The following ANO2 variants were observed in gnomAD, a reference collection of about 807,000 sequenced individuals.
The protein encoded by ANO2 is anoctamin 2.
In ANO2, 101 loss-of-function variants were observed where a neutral mutation model predicts 124.2. That is an observed-to-expected ratio of 0.81 (90% CI 0.69 to 0.96). ANO2 has a LOEUF of 0.96. ANO2 is among the 40% of genes least tolerant of loss of function. The probability of loss-of-function intolerance (pLI) is 0.00; values close to 1 mark genes in which losing one functional copy is unlikely to be tolerated. For missense variants in ANO2, 1,293 were observed against 1,274.5 expected, an observed-to-expected ratio of 1.01 and a Z score of -0.22; for synonymous variants, 486 against 482.5, an observed-to-expected ratio of 1.01 and a Z score of -0.09.
intron 22 of ANO2, among the ~76,000 whole-genome samples, chr12:5,576,654 A>G (rs533592939): frequency 2.6e-5 from 4 of 152,380 alleles, no homozygotes; most frequent in South Asian, 2.1e-4. Context: ...TAAGTGCTCT[A>G]TAAATGTCCA....
chr12:5,610,594 AATATATTTATATTTATAT>A (rs1188043265), intron 19 of ANO2, among the ~76,000 whole-genome samples: 117 of 142,622 alleles, frequency 8.2e-4, no homozygotes, highest in Admixed American at 1.4e-4. Flanking sequence ...TATATTTATA[AATATATTTATATTTATAT>A]ATGTATATAT....
In ANO2 at chr12:5,923,267, C is replaced by T. The variant is rs113802161; in HGVS notation, c.23-463G>A. Among the ~76,000 whole-genome samples, 124 of 113,118 alleles carry T rather than the reference C, an allele frequency of 1.1e-3. 26 individuals are homozygous for T. Among genetic ancestry groups the T allele is most frequent in the African/African-American group, 9.2e-3 (112 of 12,184 alleles). 74.2% of individuals were successfully genotyped at this position (113,118 alleles called of 152,430 possible). A position where few individuals can be genotyped will look rare whatever the true frequency, so the allele number is the denominator to read the frequency against. On this transcript the variant is annotated intron_variant, in intron 1 of 24. Coordinates refer to ENST00000682330, the MANE Select transcript of ANO2 (RefSeq NM_001364791.2). ...ACGCATACACACACATACACACACA[C>T]ACACACACACACGCACACACACAGC... is the stretch of plus-strand genomic sequence containing the variant.
intron 16 of ANO2, among the ~76,000 whole-genome samples, chr12:5,633,017 A>G (rs1051099932): frequency 6.6e-6 from 1 of 152,228 alleles, no homozygotes; most frequent in Admixed American, 6.5e-5. Flanking sequence ...GTGCTAGATC[A>G]GGACCACATG....
intron 3 of ANO2, among the ~76,000 whole-genome samples, chr12:5,903,856 G>A (rs1471563046): frequency 1.3e-5 from 2 of 152,180 alleles, no homozygotes; most frequent in Non-Finnish European, 2.9e-5. Flanking sequence ...TTTAGGCTAA[G>A]ATTAATGACT....
intron 10 of ANO2, among the ~76,000 whole-genome samples, chr12:5,784,237 C>G (rs1952480549): frequency 6.6e-6 from 1 of 152,148 alleles, no homozygotes; most frequent in Non-Finnish European, 1.5e-5. Context: ...AGCCACTGAA[C>G]CTTCCAGGAG....
chr12:5,618,483 G>A (rs1172990878), intron 16 of ANO2, among the ~76,000 whole-genome samples: 1 of 152,190 alleles, frequency 6.6e-6, no homozygotes, highest in East Asian at 1.9e-4. Flanking sequence ...TTCTGTGGAT[G>A]AAGGGAATTG....
chr12:5,761,579 GATTT>G (rs779041393), intron 10 of ANO2, among the ~76,000 whole-genome samples: 1 of 152,172 alleles, frequency 6.6e-6, no homozygotes, highest in Non-Finnish European at 1.5e-5. Context: ...AAAGCTATAA[GATTT>G]ATTTGTGTCT....
intron 13 of ANO2, 191 bp from the exon 14 acceptor site, chr12:5,732,821 G>A: frequency 6.2e-7 from 1 of 1,612,766 alleles, no homozygotes; most frequent in Non-Finnish European, 8.5e-7. Context: ...ACGTGAGGAA[G>A]AGACAAGGGA....
intron 10 of ANO2, among the ~76,000 whole-genome samples, chr12:5,790,042 C>T (rs1176168211): frequency 1.3e-5 from 2 of 152,308 alleles, no homozygotes; most frequent in South Asian, 2.1e-4. Flanking sequence ...CACAGGACGC[C>T]AGTCCCCTTG....
At position 5,607,129 on chromosome 12, in the gene ANO2, T is replaced by C. The variant is rs541943636; in HGVS notation, c.2087+5527A>G. Among the ~76,000 whole-genome samples the C allele has an allele frequency of 1.7e-4, 26 of 150,490 alleles. 1 individual carries two copies. The South Asian group carries it at 5.3e-3, about 31-fold the overall frequency. On this transcript the variant is annotated intron_variant, in intron 19 of 24. Transcript: ENST00000682330. ...TACCTCCCTTGGGGAAAGAATTCCA[T>C]GTAGGCTCTGAAGGTACATAAGAGC... is the stretch of plus-strand genomic sequence containing the variant.
intron 1 of ANO2, among the ~76,000 whole-genome samples, chr12:5,939,505 G>A (rs1942810104): frequency 6.6e-6 from 1 of 152,164 alleles, no homozygotes; most frequent in Admixed American, 6.5e-5. Context: ...AGTGTGAGGT[G>A]GGTTAAATCT....
intron 7 of ANO2, among the ~76,000 whole-genome samples, chr12:5,818,982 A>G (rs1953699896): frequency 6.6e-6 from 1 of 152,194 alleles, no homozygotes; most frequent in Non-Finnish European, 1.5e-5. Context: ...TGACAGTCTT[A>G]TCTCCTGAAG....
chr12:5,641,659 C>T (rs1392316902), intron 15 of ANO2, among the ~76,000 whole-genome samples: 2 of 152,176 alleles, frequency 1.3e-5, no homozygotes, highest in Non-Finnish European at 2.9e-5. Context: ...CAGCTCCTGC[C>T]CACATGGTTC....
At chr12:5,913,554 G>A (rs1655429180) in intron 3 of ANO2, among the ~76,000 whole-genome samples, 1 of 152,186 alleles carries the variant, frequency 6.6e-6, no homozygotes, top group African/African-American at 2.4e-5. Context: ...GGGGAGGGAG[G>A]AAGAGAAAAC....
chr12:5,666,100 G>T (rs1947702136), intron 14 of ANO2, among the ~76,000 whole-genome samples: 1 of 152,236 alleles, frequency 6.6e-6, no homozygotes, highest in Non-Finnish European at 1.5e-5. Flanking sequence ...TCCTGGACAT[G>T]CCAGGTCAGA....
chr12:5,771,716 G>A (rs1295046183), intron 10 of ANO2, among the ~76,000 whole-genome samples: 1 of 152,092 alleles, frequency 6.6e-6, no homozygotes, highest in Non-Finnish European at 1.5e-5. Context: ...GGAGGCAGAG[G>A]TTGCAGTGAG....
intron 14 of ANO2, among the ~76,000 whole-genome samples, chr12:5,731,982 TAGACCTGCAGTG>T (rs1950660034): frequency 6.6e-6 from 1 of 152,202 alleles, no homozygotes; most frequent in African/African-American, 2.4e-5. Context: ...CACAGACTAA[TAGACCTGCAGTG>T]GAATCCCAGA....
intron 20 of ANO2, among the ~76,000 whole-genome samples, chr12:5,595,846 T>C (rs1943633507): frequency 2.0e-5 from 3 of 152,162 alleles, no homozygotes; most frequent in Admixed American, 2.0e-4. Context: ...TGGAGTGGCG[T>C]AGGGGGCTGG....
intron 14 of ANO2, among the ~76,000 whole-genome samples, chr12:5,679,224 C>T (rs1948388819): frequency 6.6e-6 from 1 of 152,128 alleles, no homozygotes; most frequent in Non-Finnish European, 1.5e-5. Context: ...AACACAGACA[C>T]AAACAAAGAT....
Sources: gnomAD v4.1 joint callset for allele counts (sites outside exome capture counted in the v4.1 genomes callset) on GRCh38, gnomAD v4.1.1 for gene constraint, MANE v1.5 for transcripts, NCBI Gene and HGNC (gene_info 2026-07-23, HGNC 2026-07-21) for gene names.